The following COL9A1 variants were observed in gnomAD, a reference collection of about 807,000 sequenced individuals.
COL9A1 encodes the protein collagen alpha-1(IX) chain.
In COL9A1, 104 loss-of-function variants were observed where a neutral mutation model predicts 142.6. That is an observed-to-expected ratio of 0.73 (90% CI 0.62 to 0.86). The LOEUF is 0.86. COL9A1 is among the 40% of genes least tolerant of loss of function. COL9A1 has a pLI of 0.00. For missense variants in COL9A1, 1,210 were observed against 1,176.6 expected, an observed-to-expected ratio of 1.03 and a Z score of -0.42; for synonymous variants, 466 against 396.0, an observed-to-expected ratio of 1.18 and a Z score of -2.10.
chr6:70,293,127 C>T (rs1773716360), intron 5 of COL9A1, among the ~76,000 whole-genome samples: 1 of 152,144 alleles, frequency 6.6e-6, no homozygotes, highest in South Asian at 2.1e-4. Flanking sequence ...ATCATTGTAT[C>T]ACCCTGCTAC....
intron 6 of COL9A1, chr6:70,283,207 G>A: frequency 5.5e-6 from 8 of 1,465,456 alleles, no homozygotes; most frequent in African/African-American, 1.4e-5. Flanking sequence ...CGGGAGGCGC[G>A]CGTTCCCCCT....
At chr6:70,235,407 C>T (rs1054411772) in intron 33 of COL9A1, among the ~76,000 whole-genome samples, 3 of 152,028 alleles carry the variant, frequency 2.0e-5, no homozygotes, top group Admixed American at 6.6e-5. Flanking sequence ...AAGCGGAGAT[C>T]GTGCCACTGT....
intron 36 of COL9A1, 140 bp from the exon 37 acceptor site, chr6:70,226,149 G>A: frequency 1.4e-6 from 1 of 698,566 alleles, no homozygotes; most frequent in Non-Finnish European, 2.4e-6. Context: ...TGAGTATGTA[G>A]CAAGGCAAAA....
chr6:70,251,962 G>C (rs1235338572), intron 28 of COL9A1, among the ~76,000 whole-genome samples, 158 bp downstream of exon 28: 1 of 152,190 alleles, frequency 6.6e-6, no homozygotes, highest in Admixed American at 6.5e-5. Context: ...GAAAAGGCAT[G>C]CTGTGCATCT....
chr6:70,246,845 C>T (rs981179336), intron 28 of COL9A1, among the ~76,000 whole-genome samples: 1 of 152,178 alleles, frequency 6.6e-6, no homozygotes, highest in African/African-American at 2.4e-5. Flanking sequence ...TGGTCTGAAG[C>T]TGATTTTGCC....
chr6:70,294,706 A>G (rs1267788458), intron 4 of COL9A1, 143 bp from the exon 5 acceptor site: 5 of 736,640 alleles, frequency 6.8e-6, no homozygotes, highest in African/African-American at 1.8e-5. Flanking sequence ...TTGTTCTTTC[A>G]TGACTGTTCA....
intron 37 of COL9A1, among the ~76,000 whole-genome samples, chr6:70,225,330 A>G (rs1769161088): frequency 6.6e-6 from 1 of 152,180 alleles, no homozygotes; most frequent in Non-Finnish European, 1.5e-5. Context: ...AGAGAACAGA[A>G]GGCCCAGTGA....
intron 28 of COL9A1, among the ~76,000 whole-genome samples, chr6:70,248,764 A>G (rs1402477157): frequency 6.6e-6 from 1 of 152,186 alleles, no homozygotes; most frequent in Non-Finnish European, 1.5e-5. Flanking sequence ...GTGCTACCTT[A>G]TGGCAAGCCC....
intron 10 of COL9A1, among the ~76,000 whole-genome samples, chr6:70,276,637 C>A (rs1772779982): frequency 6.6e-6 from 1 of 152,142 alleles, no homozygotes; most frequent in Admixed American, 6.5e-5. Flanking sequence ...AATAACTATG[C>A]AGAAAACCGT....
At chr6:70,285,833 G>A in intron 5 of COL9A1, among the ~76,000 whole-genome samples, 1 of 152,112 alleles carries the variant, frequency 6.6e-6, no homozygotes, top group Non-Finnish European at 1.5e-5. Context: ...GTGAATGTAA[G>A]GTTCCTCACA....
At position 70,270,317 on chromosome 6, in the gene COL9A1, G is replaced by A. The variant is rs749861177; in HGVS notation, c.1194C>T (p.Pro398=). 4 of 1,613,634 alleles carry A rather than the reference G, an allele frequency of 2.5e-6. No individual in the cohort carries two copies. The highest frequency in any genetic ancestry group is 2.2e-5 in the East Asian group (1 of 44,876). ...GPPGPPGPPG[P]RGTIGFHDGD... ...ATTCAAGCTGCAAATAACTTACTCT[G>A]GGTCCTGGGGGGCCAGGGGGGCCAG... Residue 398 remains proline, a synonymous_variant, in exon 15 of 38, where the codon CCC becomes CCT. Transcript: ENST00000357250.
intron 6 of COL9A1, 174 bp from the exon 7 acceptor site, chr6:70,283,092 G>T (rs1410902298): frequency 6.5e-7 from 1 of 1,547,568 alleles, no homozygotes; most frequent in Non-Finnish European, 8.7e-7. Context: ...CGGCTCTGCA[G>T]CCTGGTTCCC....
chr6:70,291,404 C>T (rs1429365229), intron 5 of COL9A1, among the ~76,000 whole-genome samples: 1 of 152,132 alleles, frequency 6.6e-6, no homozygotes, highest in Non-Finnish European at 1.5e-5. Context: ...CCCCCACTCT[C>T]ATGCCTCCCT....
At chr6:70,215,499 G>A (rs942062166), downstream of COL9A1, 1 of 152,138 alleles carries the variant, frequency 6.6e-6, no homozygotes, top group Non-Finnish European at 1.5e-5. Flanking sequence ...CCCAGCACAG[G>A]TTACTCACAG....
chr6:70,294,284 A>G lies in COL9A1; in HGVS notation c.579T>C (p.Thr193=). The part of the protein sequence containing the change: ...IMIGVERSSA[T]LFVDCNRIES... The stretch of plus-strand genomic sequence containing the variant: ...CAATCCTGTTGCAGTCAACAAAAAG[A>G]GTAGCACTACTCCTCTCCACGCCAA... Residue 193 remains threonine, a synonymous_variant, in exon 5 of 38, where the codon ACT becomes ACC. Coordinates refer to ENST00000357250, the MANE Select transcript of COL9A1 (RefSeq NM_001851.6). 6.2e-7 allele frequency: 1 copy of G among 1,614,080 alleles called. No homozygotes were observed. Among genetic ancestry groups the G allele is most frequent in the East Asian group, 2.2e-5 (1 of 44,874 alleles).
intron 18 of COL9A1, among the ~76,000 whole-genome samples, chr6:70,266,198 T>G (rs986352567): frequency 3.3e-5 from 5 of 152,204 alleles, no homozygotes; most frequent in Admixed American, 3.3e-4. Context: ...GATAATAACG[T>G]AAGTTATTAC....
At chr6:70,292,039 TA>T (rs770916987) in intron 5 of COL9A1, among the ~76,000 whole-genome samples, 2 of 152,196 alleles carry the variant, frequency 1.3e-5, no homozygotes, top group African/African-American at 4.8e-5. Context: ...GATGATGTTT[TA>T]AAAAAGTGTA....
Position 70,255,369 on chromosome 6 carries a change from G to A in COL9A1, c.1525C>T (p.Pro509Ser). The A allele has an allele frequency of 6.2e-7, 1 of 1,614,126 alleles. No individual in the cohort carries two copies. The highest frequency in any genetic ancestry group is 8.5e-7 in the Non-Finnish European group (1 of 1,179,978). ...GAPGDQGQRGPPGEAGPKGDR... is the reference protein window; with the variant it reads ...GAPGDQGQRGSPGEAGPKGDR... The stretch of plus-strand genomic sequence containing the variant: ...CCTTTGGGACCTGCTTCTCCTGGAG[G>A]TCCTCGCTGTCCTTGATCACCCTGT... The change falls in exon 22 of 38, where the codon CCT becomes TCT. Residue 509 changes from proline (P) to serine (S), a missense_variant. Coordinates refer to ENST00000357250, the MANE Select transcript of COL9A1 (RefSeq NM_001851.6).
chr6:70,269,888 C>T lies in COL9A1; in HGVS notation c.1198-223G>A, dbSNP rs6914074. 0.042 allele frequency among the ~76,000 whole-genome samples: 6,372 copies of T among 151,984 alleles called. 263 individuals are homozygous for T. The highest frequency in any genetic ancestry group is 0.14 in the East Asian group (739 of 5,164). On this transcript the variant is annotated intron_variant, in intron 15 of 37. Transcript: ENST00000357250. ...ATTTTGGGAAGACATTGAAGGGAAACGAAATAAGAGGCAAAATAGAAAATG... is the reference window on the plus strand; with the variant it reads ...ATTTTGGGAAGACATTGAAGGGAAATGAAATAAGAGGCAAAATAGAAAATG...
Sources: allele counts gnomAD v4.1 joint callset (sites outside exome capture counted in the v4.1 genomes callset), GRCh38; gene constraint gnomAD v4.1.1; transcripts MANE v1.5; gene names NCBI Gene and HGNC (gene_info 2026-07-23, HGNC 2026-07-21).